The following RAB27A variants were observed in gnomAD, a reference collection of about 807,000 sequenced individuals.
The protein encoded by RAB27A is RAB27A, member RAS oncogene family.
RAB27A carries 17 observed loss-of-function variants against 20.8 expected under a neutral mutation model. The ratio of observed to expected loss-of-function variants is 0.82; its 90% CI spans 0.56 to 1.23. The LOEUF (loss-of-function observed/expected upper bound fraction) is 1.23. Ranked by LOEUF, RAB27A falls within the 50% of genes most tolerant of loss-of-function variation. The pLI, the probability that RAB27A is intolerant of heterozygous loss-of-function variation, is 0.00. For missense variants in RAB27A, 277 were observed against 266.7 expected, an observed-to-expected ratio of 1.04 and a Z score of -0.27; for synonymous variants, 85 against 92.8, an observed-to-expected ratio of 0.92 and a Z score of 0.48.
chr15:55,204,486 T>C lies in RAB27A; in HGVS notation c.*1021A>G, dbSNP rs1894548365. 1 of 152,204 alleles carries C rather than the reference T, an allele frequency of 6.6e-6. No homozygotes were observed. Among genetic ancestry groups the C allele is most frequent in the Non-Finnish European group, 1.5e-5 (1 of 68,034 alleles). 9.4% of individuals were successfully genotyped at this position (152,204 alleles called of 1,614,324 possible). On this transcript the variant is annotated 3_prime_UTR_variant, in exon 7 of 7. Coordinates refer to ENST00000336787, the MANE Select transcript of RAB27A (RefSeq NM_183235.3). ...GGCATCTTATGTAATTAAAAACTAA[T>C]TATTTCAATTCCACCAATGGAAAAG...
At chr15:55,210,742 T>C (rs1402159246) in intron 6 of RAB27A, among the ~76,000 whole-genome samples, 1 of 152,162 alleles carries the variant, frequency 6.6e-6, no homozygotes, top group Non-Finnish European at 1.5e-5. Flanking sequence ...GTTGTTTCCT[T>C]TGCTGTGTAG....
chr15:55,296,585 T>C (rs1330777457), intron 2 of RAB27A, among the ~76,000 whole-genome samples: 1 of 152,064 alleles, frequency 6.6e-6, no homozygotes, highest in Non-Finnish European at 1.5e-5. Flanking sequence ...GCTCAGAAAA[T>C]GACAGTGACA....
upstream of RAB27A, among the ~76,000 whole-genome samples, chr15:55,293,778 G>A (rs1354105931): frequency 6.6e-6 from 1 of 152,094 alleles, no homozygotes; most frequent in Non-Finnish European, 1.5e-5. Context: ...TTAGCCGGGC[G>A]TGGTGGTGGG....
chr15:55,304,290 T>C (rs893136819), intron 2 of RAB27A, among the ~76,000 whole-genome samples: 1 of 150,756 alleles, frequency 6.6e-6, no homozygotes, highest in African/African-American at 2.5e-5. Context: ...TCATCACCAC[T>C]CCCTAATCTC....
intron 2 of RAB27A, among the ~76,000 whole-genome samples, chr15:55,257,485 C>T (rs1462828974): frequency 1.3e-5 from 2 of 152,200 alleles, no homozygotes; most frequent in Non-Finnish European, 2.9e-5. Context: ...GATGGGCAGT[C>T]CCTGCTGCTC....
At position 55,205,540 on chromosome 15, in the gene RAB27A, A is replaced by T; in HGVS notation, c.633T>A (p.Ser211Arg). The T allele has an allele frequency of 6.2e-7, 1 of 1,613,994 alleles. No homozygotes were observed. Among genetic ancestry groups the T allele is most frequent in the Non-Finnish European group, 8.5e-7 (1 of 1,179,996 alleles). Residue 211 changes from serine (S) to arginine (R), a missense_variant, in exon 7 of 7, where the codon AGT (serine) becomes AGA (arginine). Coordinates refer to ENST00000336787, the MANE Select transcript of RAB27A (RefSeq NM_183235.3). ...CACATGCCCCTTTCTCCTTTTCTTC[A>T]CTTAACTGATCCGTAGAGGCATGAC... is the stretch of plus-strand genomic sequence containing the variant. ...SNGHASTDQL[S>R]EEKEKGACGC
chr15:55,210,105 TAC>T (rs1168446347), intron 6 of RAB27A, among the ~76,000 whole-genome samples: 7 of 145,992 alleles, frequency 4.8e-5, no homozygotes, highest in Non-Finnish European at 7.5e-5. Context: ...TGTGTATATA[TAC>T]ACACATACAC....
intron 1 of RAB27A, among the ~76,000 whole-genome samples, chr15:55,284,947 C>A (rs747108172): frequency 4.6e-5 from 7 of 152,164 alleles, no homozygotes; most frequent in Non-Finnish European, 8.8e-5. Flanking sequence ...CACCAAAAAT[C>A]AGCCATGGCT....
upstream of RAB27A, among the ~76,000 whole-genome samples, chr15:55,291,510 C>CAA (rs530643102): frequency 0.014 from 959 of 68,992 alleles, 27 homozygotes; most frequent in Non-Finnish European, 0.018. Flanking sequence ...GACTCTGTTT[C>CAA]AAAAAAAAAA....
At chr15:55,310,666 A>T (rs1263757325) in intron 2 of RAB27A, among the ~76,000 whole-genome samples, 1 of 151,104 alleles carries the variant, frequency 6.6e-6, no homozygotes, top group African/African-American at 2.4e-5. Flanking sequence ...TTTAAATCCC[A>T]TTTGTCCCAT....
At chr15:55,216,469 T>C (rs1191747809) in intron 6 of RAB27A, among the ~76,000 whole-genome samples, 2 of 151,888 alleles carry the variant, frequency 1.3e-5, no homozygotes, top group African/African-American at 4.8e-5. Flanking sequence ...GAGGCAGAGG[T>C]TGCAGTGAGC....
At chr15:55,301,285 T>C (rs532166736) in intron 2 of RAB27A, among the ~76,000 whole-genome samples, 78 of 152,268 alleles carry the variant, frequency 5.1e-4, no homozygotes, top group African/African-American at 1.8e-3. Context: ...TAGAGACAGG[T>C]TCAACATATT....
chr15:55,309,771 C>T (rs757391212), intron 2 of RAB27A, among the ~76,000 whole-genome samples: 3 of 151,782 alleles, frequency 2.0e-5, no homozygotes, highest in African/African-American at 7.3e-5. Context: ...TTGATAATCC[C>T]GAAATCTTGC....
At chr15:55,292,317 C>A (rs2054925791), upstream of RAB27A, among the ~76,000 whole-genome samples, 1 of 152,136 alleles carries the variant, frequency 6.6e-6, no homozygotes, top group South Asian at 2.1e-4. Context: ...AAACTGAGTC[C>A]TAAAGCGATT....
chr15:55,268,744 A>G (rs1204430899), intron 2 of RAB27A, among the ~76,000 whole-genome samples: 1 of 152,212 alleles, frequency 6.6e-6, no homozygotes, highest in African/African-American at 2.4e-5. Context: ...TACTGCATGC[A>G]TTTTGAGGCA....
Position 55,232,688 on chromosome 15 carries a change from T to C in RAB27A, c.153+2094A>G, listed in dbSNP as rs188596832. On this transcript the variant is annotated intron_variant, in intron 3 of 6. Transcript: ENST00000336787. Reference sequence around the variant, plus strand: ...AAATACTACAGACAACTCTCAAGACTAAGCTGAAAGGAAACTAGACAGTAA... The same window carrying C: ...AAATACTACAGACAACTCTCAAGACCAAGCTGAAAGGAAACTAGACAGTAA... Among the ~76,000 whole-genome samples the C allele has an allele frequency of 2.4e-3, 368 of 152,338 alleles. 1 individual carries two copies. Among genetic ancestry groups the C allele is most frequent in the African/African-American group, 8.5e-3 (352 of 41,570 alleles).
At chr15:55,246,627 C>T (rs1179338816) in intron 2 of RAB27A, among the ~76,000 whole-genome samples, 2 of 150,802 alleles carry the variant, frequency 1.3e-5, no homozygotes, top group Admixed American at 6.6e-5. Flanking sequence ...AAAAAAAGCA[C>T]ACATAGAATA....
rs1320355865 is a variant in RAB27A at position 55,302,915 on chromosome 15, C to T, written c.-112+11124G>A. Among the ~76,000 whole-genome samples the T allele has an allele frequency of 2.8e-3, 391 of 139,780 alleles. 3 individuals are homozygous for T. The highest frequency in any genetic ancestry group is 0.01 in the African/African-American group (364 of 35,176). The allele number at this position is 139,780 out of a possible 152,430, so 91.7% of individuals were successfully genotyped here. On this transcript the variant is annotated intron_variant, in intron 2 of 5. Coordinates refer to the RAB27A transcript ENST00000563262. Reference sequence around the variant, plus strand: ...CTGAGAAGTGAGGAGCCTCTCCGCCCGGCAGCCACCCCATCTGGGAAGTGA... The same window carrying T: ...CTGAGAAGTGAGGAGCCTCTCCGCCTGGCAGCCACCCCATCTGGGAAGTGA...
chr15:55,302,205 C>T (rs116926688), intron 2 of RAB27A, among the ~76,000 whole-genome samples: 1 of 149,820 alleles, frequency 6.7e-6, no homozygotes, highest in African/African-American at 2.5e-5. Flanking sequence ...CAGAGTGAGA[C>T]CTCATCTCAA....
Sources: allele counts gnomAD v4.1 joint callset (sites outside exome capture counted in the v4.1 genomes callset), GRCh38; gene constraint gnomAD v4.1.1; transcripts MANE v1.5; gene names NCBI Gene and HGNC (gene_info 2026-07-23, HGNC 2026-07-21).